The following CNTNAP2 variants were observed in gnomAD, a reference collection of about 807,000 sequenced individuals.
CNTNAP2 encodes contactin associated protein 2.
CNTNAP2 carries 98 observed loss-of-function variants against 155.2 expected under a neutral mutation model. That is an observed-to-expected ratio of 0.63 (90% CI 0.54 to 0.75). CNTNAP2 has a LOEUF of 0.75. Ranked by LOEUF, CNTNAP2 falls within the 30% of genes least tolerant of loss-of-function variation. CNTNAP2 has a pLI of 0.00. For synonymous variants in CNTNAP2, 651 were observed against 631.2 expected (o/e 1.03, Z -0.47); for missense variants, 1,727 against 1,688.1 (o/e 1.02, Z -0.40).
chr7:148,111,916 C>G (rs1435253199), intron 15 of CNTNAP2, among the ~76,000 whole-genome samples: 2 of 152,078 alleles, frequency 1.3e-5, no homozygotes, highest in African/African-American at 2.4e-5. Flanking sequence ...GAGTGTAGAC[C>G]TAGGAAGTGG....
At chr7:146,831,503 G>A (rs751397740) in intron 2 of CNTNAP2, among the ~76,000 whole-genome samples, 4 of 151,296 alleles carry the variant, frequency 2.6e-5, no homozygotes, top group Non-Finnish European at 4.4e-5. Flanking sequence ...TGGTGAAACC[G>A]TGTCTCTACT....
intron 1 of CNTNAP2, among the ~76,000 whole-genome samples, chr7:146,566,169 C>G (rs1295347182): frequency 6.6e-6 from 1 of 152,166 alleles, no homozygotes; most frequent in African/African-American, 2.4e-5. Flanking sequence ...GAACTAGCAG[C>G]TTTAGTCTTC....
Position 147,431,983 on chromosome 7 carries a change from G to T in CNTNAP2, c.1670+36203G>T, listed in dbSNP as rs183597432. ...AAGACTTGCCTTTCAGTATATCTGG[G>T]TTTGTTTAACATGCATCTCAAATGC... is the stretch of plus-strand genomic sequence containing the variant. On this transcript the variant is annotated intron_variant, in intron 10 of 23. Coordinates refer to ENST00000361727, the MANE Select transcript of CNTNAP2 (RefSeq NM_014141.6). Among the ~76,000 whole-genome samples the T allele has an allele frequency of 9.9e-5, 15 of 152,236 alleles. No individual in the cohort carries two copies. In the East Asian group the frequency reaches 2.9e-3, roughly 29 times the overall value.
At chr7:148,390,653 C>T (rs994756119) in intron 22 of CNTNAP2, among the ~76,000 whole-genome samples, 9 of 152,174 alleles carry the variant, frequency 5.9e-5, no homozygotes, top group African/African-American at 2.2e-4. Flanking sequence ...ACCCATAGGT[C>T]TGGTGATCTT....
At chr7:147,275,603 C>G (rs534404274) in intron 8 of CNTNAP2, among the ~76,000 whole-genome samples, 1 of 152,124 alleles carries the variant, frequency 6.6e-6, no homozygotes, top group South Asian at 2.1e-4. Flanking sequence ...ATCATGTCAT[C>G]AGTGAACAGA....
chr7:146,270,269 C>T (rs928165510), intron 1 of CNTNAP2, among the ~76,000 whole-genome samples: 1 of 152,128 alleles, frequency 6.6e-6, no homozygotes, highest in African/African-American at 2.4e-5. Context: ...CCATATTCAA[C>T]CATTAATGAT....
chr7:148,204,203 A>T (rs2116735152), intron 18 of CNTNAP2, among the ~76,000 whole-genome samples: 1 of 152,320 alleles, frequency 6.6e-6, no homozygotes, highest in Middle Eastern at 3.4e-3. Context: ...TGCCGATACG[A>T]TGTGGCATGT....
At chr7:146,767,540 CA>C (rs1182273523) in intron 1 of CNTNAP2, among the ~76,000 whole-genome samples, 1 of 151,884 alleles carries the variant, frequency 6.6e-6, no homozygotes. Context: ...TCTACAGGAG[CA>C]AGAGAAAGAT....
chr7:147,549,463 TTTGCTGAAG>T (rs1288255130), intron 11 of CNTNAP2, among the ~76,000 whole-genome samples: 1 of 152,140 alleles, frequency 6.6e-6, no homozygotes, highest in Non-Finnish European at 1.5e-5. Context: ...ATCCTGAGAT[TTTGCTGAAG>T]TTGCTTATCA....
At chr7:148,267,315 G>A (rs949289733) in intron 21 of CNTNAP2, among the ~76,000 whole-genome samples, 189 bp downstream of exon 21, 1 of 152,032 alleles carries the variant, frequency 6.6e-6, no homozygotes, top group Non-Finnish European at 1.5e-5. Context: ...ATCTTTGGGG[G>A]AAATTGCTCA....
At chr7:147,736,371 G>A (rs1335265258) in intron 13 of CNTNAP2, among the ~76,000 whole-genome samples, 1 of 152,188 alleles carries the variant, frequency 6.6e-6, no homozygotes, top group Non-Finnish European at 1.5e-5. Context: ...CTGGCTTGTA[G>A]AGTTTCTGCC....
At chr7:148,170,688 T>C (rs1805771378) in intron 17 of CNTNAP2, among the ~76,000 whole-genome samples, 1 of 152,220 alleles carries the variant, frequency 6.6e-6, no homozygotes, top group Non-Finnish European at 1.5e-5. Context: ...GGCTTGGGTT[T>C]GCAGAGATGG....
At chr7:146,381,670 C>T (rs1795391274) in intron 1 of CNTNAP2, among the ~76,000 whole-genome samples, 1 of 152,050 alleles carries the variant, frequency 6.6e-6, no homozygotes, top group African/African-American at 2.4e-5. Context: ...TGTAAAAGTT[C>T]AAAGACCTAT....
At chr7:146,370,260 TAAAAA>T (rs34996621) in intron 1 of CNTNAP2, among the ~76,000 whole-genome samples, 2,708 of 87,510 alleles carry the variant, frequency 0.031, 150 homozygotes, top group African/African-American at 0.13. Context: ...ATCTCTACTT[TAAAAA>T]AAAAAAAAAA....
chr7:147,564,875 A>C (rs1012042480), intron 12 of CNTNAP2, among the ~76,000 whole-genome samples: 38 of 152,314 alleles, frequency 2.5e-4, no homozygotes, highest in African/African-American at 9.1e-4. Context: ...AGTTACAAAC[A>C]TCAGTGTGTT....
At chr7:147,773,986 C>T (rs1797516752) in intron 13 of CNTNAP2, among the ~76,000 whole-genome samples, 1 of 152,134 alleles carries the variant, frequency 6.6e-6, no homozygotes, top group Non-Finnish European at 1.5e-5. Context: ...CACCCACTTC[C>T]CTACCTCAGC....
chr7:147,652,307 C>T (rs1795461194), intron 13 of CNTNAP2, among the ~76,000 whole-genome samples: 1 of 152,128 alleles, frequency 6.6e-6, no homozygotes, highest in Admixed American at 6.5e-5. Context: ...GACCTTCATC[C>T]CGTATCTTAA....
In CNTNAP2 at chr7:148,310,875, C is replaced by T. The variant is rs935059775; in HGVS notation, c.3475+43749C>T. ...TGCGTAGAGGGGGAGGTTCGATTTA[C>T]ATGGTGTGTGAGAAAACGTTGAGTA... On this transcript the variant is annotated intron_variant, in intron 21 of 23. Transcript: ENST00000361727. 2.0e-5 allele frequency among the ~76,000 whole-genome samples: 3 copies of T among 152,128 alleles called. No homozygotes were observed. The South Asian group carries it at 6.2e-4, about 32-fold the overall frequency.
intron 15 of CNTNAP2, among the ~76,000 whole-genome samples, chr7:148,093,249 G>A (rs1037677476): frequency 6.6e-6 from 1 of 151,746 alleles, no homozygotes; most frequent in Non-Finnish European, 1.5e-5. Flanking sequence ...AATAAATAGA[G>A]CCTTGTGATC....
Sources: gnomAD v4.1 joint callset for allele counts (sites outside exome capture counted in the v4.1 genomes callset) on GRCh38, gnomAD v4.1.1 for gene constraint, MANE v1.5 for transcripts, NCBI Gene and HGNC (gene_info 2026-07-23, HGNC 2026-07-21) for gene names.